Variants in CNTNAP2 observed in about 807,000 individuals in gnomAD.
The protein encoded by CNTNAP2 is contactin associated protein 2.
CNTNAP2 carries 98 observed loss-of-function variants against 155.2 expected under a neutral mutation model. The observed-to-expected ratio is 0.63, with a 90% CI of 0.54 to 0.75. The LOEUF (loss-of-function observed/expected upper bound fraction) is 0.75, where lower values mean the gene tolerates loss of function less well. Ranked by LOEUF, CNTNAP2 falls within the 30% of genes least tolerant of loss-of-function variation. The probability of loss-of-function intolerance (pLI) is 0.00; values close to 1 mark genes in which losing one functional copy is unlikely to be tolerated. For synonymous variants in CNTNAP2, 651 were observed against 631.2 expected, an observed-to-expected ratio of 1.03 and a Z score of -0.47; for missense variants, 1,727 against 1,688.1, an observed-to-expected ratio of 1.02 and a Z score of -0.40.
intron 1 of CNTNAP2, among the ~76,000 whole-genome samples, chr7:146,509,546 G>A (rs1797435172): frequency 6.6e-6 from 1 of 152,094 alleles, no homozygotes; most frequent in South Asian, 2.1e-4. Context: ...CCACCCCTGG[G>A]GCCTCAATGA....
chr7:146,586,750 A>C (rs76466526), intron 1 of CNTNAP2, among the ~76,000 whole-genome samples: 3,435 of 152,320 alleles, frequency 0.023, 47 homozygotes, highest in Middle Eastern at 0.048. Flanking sequence ...AGTTGGTGAC[A>C]GTTCATATGA....
chr7:146,410,327 A>ATGAC (rs1292798955), intron 1 of CNTNAP2, among the ~76,000 whole-genome samples: 1 of 152,178 alleles, frequency 6.6e-6, no homozygotes, highest in African/African-American at 2.4e-5. Flanking sequence ...CTGAGTAGTT[A>ATGAC]TGACAGAACC....
intron 1 of CNTNAP2, among the ~76,000 whole-genome samples, chr7:146,595,545 A>G (rs1232549036): frequency 6.6e-6 from 1 of 152,080 alleles, no homozygotes; most frequent in Admixed American, 6.6e-5. Flanking sequence ...TCAATATCTT[A>G]TACAATTTCT....
chr7:146,709,783 G>T (rs1202985802), intron 1 of CNTNAP2, among the ~76,000 whole-genome samples: 3 of 152,166 alleles, frequency 2.0e-5, no homozygotes, highest in Non-Finnish European at 4.4e-5. Flanking sequence ...AACTCTGGGT[G>T]TGGGGTGTAT....
At chr7:147,011,188 T>G (rs968404358) in intron 3 of CNTNAP2, among the ~76,000 whole-genome samples, 18 of 151,870 alleles carry the variant, frequency 1.2e-4, no homozygotes, top group African/African-American at 4.3e-4. Flanking sequence ...CTGAGGCAGG[T>G]GGATCACCTG....
chr7:148,000,213 G>A lies in CNTNAP2; in HGVS notation c.2383+22224G>A, dbSNP rs574695244. On this transcript the variant is annotated intron_variant, in intron 15 of 23. Transcript: ENST00000361727. ...TCCCCTGCAGAGCAGTGTCTTGAGA[G>A]AGAAAGGGTTCTCCTCTCTGTAGGA... Among the ~76,000 whole-genome samples the A allele has an allele frequency of 3.3e-5, 5 of 152,282 alleles. No individual in the cohort carries two copies. In the South Asian group the frequency reaches 6.2e-4, roughly 19 times the overall value.
chr7:147,177,521 A>G (rs1246355487), intron 8 of CNTNAP2, among the ~76,000 whole-genome samples: 2 of 152,174 alleles, frequency 1.3e-5, no homozygotes, highest in African/African-American at 2.4e-5. Context: ...GTTCTCAGGT[A>G]TTGCTTCATA....
At chr7:147,877,324 C>T (rs182862370) in intron 13 of CNTNAP2, among the ~76,000 whole-genome samples, 7 of 152,220 alleles carry the variant, frequency 4.6e-5, no homozygotes, top group Admixed American at 1.3e-4. Context: ...GTTAACCAAT[C>T]GGTCAGTCCA....
chr7:146,752,639 A>C (rs1801925848), intron 1 of CNTNAP2, among the ~76,000 whole-genome samples: 2 of 152,110 alleles, frequency 1.3e-5, no homozygotes, highest in South Asian at 2.1e-4. Context: ...CCTATTTATC[A>C]ATTTTGGCTT....
chr7:147,159,750 T>C (rs1297830533), intron 8 of CNTNAP2, among the ~76,000 whole-genome samples: 1 of 152,140 alleles, frequency 6.6e-6, no homozygotes, highest in African/African-American at 2.4e-5. Flanking sequence ...ATGTATCTAA[T>C]AGACTGTCAT....
intron 1 of CNTNAP2, among the ~76,000 whole-genome samples, chr7:146,288,753 G>A (rs948471822): frequency 2.7e-5 from 4 of 147,344 alleles, no homozygotes; most frequent in Admixed American, 6.7e-5. Context: ...TTTGTAATCT[G>A]CCTATAAGTG....
Position 146,541,521 on chromosome 7 carries a change from C to T in CNTNAP2, c.98-232750C>T, listed in dbSNP as rs114866105. 7.7e-3 allele frequency among the ~76,000 whole-genome samples: 1,166 copies of T among 152,054 alleles called. 16 individuals carry two copies. Among genetic ancestry groups the T allele is most frequent in the African/African-American group, 0.027 (1,128 of 41,520 alleles). The stretch of plus-strand genomic sequence containing the variant: ...TAGGCAACTGTAGATAGTCTCTGCC[C>T]CTACATTTTGCCTCTGTAGAAATAT... On this transcript the variant is annotated intron_variant, in intron 1 of 23. Transcript: ENST00000361727.
At chr7:146,899,747 C>T (rs1795954211) in intron 3 of CNTNAP2, among the ~76,000 whole-genome samples, 1 of 152,120 alleles carries the variant, frequency 6.6e-6, no homozygotes, top group African/African-American at 2.4e-5. Flanking sequence ...ATGCATTCAC[C>T]AACATCTGGA....
intron 13 of CNTNAP2, among the ~76,000 whole-genome samples, chr7:147,714,999 G>A (rs764094374): frequency 5.9e-4 from 90 of 152,120 alleles, no homozygotes; most frequent in East Asian, 7.7e-4. Context: ...GCAAGATGTT[G>A]TGTGTATCAA....
chr7:147,198,232 CTTTTTTTT>C (rs71525992), intron 8 of CNTNAP2, among the ~76,000 whole-genome samples: 2 of 113,094 alleles, frequency 1.8e-5, no homozygotes, highest in Admixed American at 1.1e-4. Flanking sequence ...TTCCAATATC[CTTTTTTTT>C]TTTTTTTTTT....
chr7:148,263,805 G>A (rs1796619644), intron 20 of CNTNAP2, among the ~76,000 whole-genome samples: 1 of 151,330 alleles, frequency 6.6e-6, no homozygotes. Context: ...TTTGGTTAAA[G>A]CCATCAACCA....
chr7:147,640,163 G>GATATAT (rs150554246), intron 13 of CNTNAP2, among the ~76,000 whole-genome samples: 11 of 148,532 alleles, frequency 7.4e-5, no homozygotes, highest in Admixed American at 6.7e-4. Flanking sequence ...AATATGATAT[G>GATATAT]ATATATATAT....
rs139571806 is a variant in CNTNAP2 at position 147,295,469 on chromosome 7, A to G, written c.1349-4672A>G. On this transcript the variant is annotated intron_variant, in intron 8 of 23. Transcript: ENST00000361727. ...ATCTATAGGATGCTTACAGATTGGT[A>G]GACTCAGTCCTTCCCTATATACTGG... 8.5e-3 allele frequency among the ~76,000 whole-genome samples: 1,293 copies of G among 152,306 alleles called. 23 individuals carry two copies. Among genetic ancestry groups the G allele is most frequent in the African/African-American group, 0.029 (1,202 of 41,568 alleles).
intron 3 of CNTNAP2, among the ~76,000 whole-genome samples, chr7:146,863,630 T>C (rs543554686): frequency 6.6e-6 from 1 of 152,184 alleles, no homozygotes; most frequent in Non-Finnish European, 1.5e-5. Flanking sequence ...TCCTAATTAG[T>C]ACTATGCTAT....
Sources: gnomAD v4.1 joint callset for allele counts (sites outside exome capture counted in the v4.1 genomes callset) on GRCh38, gnomAD v4.1.1 for gene constraint, MANE v1.5 for transcripts, NCBI Gene and HGNC (gene_info 2026-07-23, HGNC 2026-07-21) for gene names.